ZNF33B: variants seen among roughly 807,000 people sequenced by gnomAD.
ZNF33B encodes the protein zinc finger protein 33B.
Under a neutral mutation model 45.8 loss-of-function variants are expected in ZNF33B, and 29 were observed. The observed-to-expected ratio is 0.63, with a 90% CI of 0.47 to 0.86. ZNF33B has a LOEUF of 0.86. Among genes scored for constraint, ZNF33B ranks in the 40% least tolerant of loss-of-function variants. The pLI is 0.00. For missense variants in ZNF33B, 831 were observed against 909.9 expected, an observed-to-expected ratio of 0.91 and a Z score of 1.12; for synonymous variants, 305 against 307.8, an observed-to-expected ratio of 0.99 and a Z score of 0.10.
chr10:42,606,938 T>C (rs1837886362), intron 4 of ZNF33B, among the ~76,000 whole-genome samples: 1 of 152,208 alleles, frequency 6.6e-6, no homozygotes, highest in South Asian at 2.1e-4. Flanking sequence ...TACTTACTGG[T>C]TGAGCTTCCC....
rs148668463 is a variant in ZNF33B at position 42,593,531 on chromosome 10, C to T, written c.1419G>A (p.Glu473=). Residue 473 remains glutamate, a synonymous_variant, in exon 5 of 5, where the codon GAG becomes GAA. Transcript: ENST00000359467. ...HTGEKPFECL[E]CGKSFCQKSH... is the part of the protein sequence containing the mutation. ...ACTTTTGACAAAAGGATTTCCCACA[C>T]TCAAGACATTCAAAAGGTTTCTCAC... The T allele has an allele frequency of 6.2e-7, 1 of 1,613,860 alleles. No individual in the cohort carries two copies. The highest frequency in any genetic ancestry group is 1.6e-4 in the Middle Eastern group (1 of 6,062).
At chr10:42,582,971 C>A (rs1373832746) in intron 1 of ZNF33B, 2 of 631,856 alleles carry the variant, frequency 3.2e-6, no homozygotes, top group Non-Finnish European at 5.8e-6. Context: ...GGAGATGTGA[C>A]CACCATCCCC....
At chr10:42,636,634 C>T (rs1317059045) in intron 2 of ZNF33B, among the ~76,000 whole-genome samples, 1 of 152,182 alleles carries the variant, frequency 6.6e-6, no homozygotes, top group Non-Finnish European at 1.5e-5. Flanking sequence ...CCAGCCAGGG[C>T]AACACGGTGA....
At chr10:42,618,713 G>A (rs934252568) in intron 4 of ZNF33B, among the ~76,000 whole-genome samples, 1 of 152,106 alleles carries the variant, frequency 6.6e-6, no homozygotes, top group Non-Finnish European at 1.5e-5. Context: ...CTTCTTGGAT[G>A]AATATATTAG....
At position 42,636,978 on chromosome 10, in the gene ZNF33B, T is replaced by A; in HGVS notation, c.-44-6A>T. The A allele has an allele frequency of 6.2e-7, 1 of 1,613,356 alleles. No homozygotes were observed. ...AGACAACTCTGAAGATACAGCTGAG[T>A]TGGAAAAAGAGGAATGGGGTCATGA... On this transcript the variant is annotated splice_polypyrimidine_tract_variant and splice_region_variant and intron_variant, in intron 1 of 4. Transcript: ENST00000359467.
rs149511462 is a variant in ZNF33B, at chr10:42,614,068, G to A, written c.250+17861C>T. 1.2e-3 allele frequency among the ~76,000 whole-genome samples: 181 copies of A among 152,292 alleles called. 3 individuals carry two copies. The East Asian group carries it at 0.03, about 25-fold the overall frequency. On this transcript the variant is annotated intron_variant, in intron 4 of 4. Coordinates refer to ENST00000359467, the MANE Select transcript of ZNF33B (RefSeq NM_006955.3). ...ATGTGTACAATATGGAAAATAGGAAGAAGATGTAACTTTATAGTGGACAAA... is the reference window on the plus strand; with the variant it reads ...ATGTGTACAATATGGAAAATAGGAAAAAGATGTAACTTTATAGTGGACAAA...
chr10:42,613,593 G>C (rs1042479261), intron 4 of ZNF33B, among the ~76,000 whole-genome samples: 2 of 151,950 alleles, frequency 1.3e-5, no homozygotes, highest in Admixed American at 6.6e-5. Flanking sequence ...TGGATAGTTA[G>C]AGCCAGATTT....
chr10:42,629,364 A>C (rs779805271), intron 4 of ZNF33B, among the ~76,000 whole-genome samples: 26 of 152,174 alleles, frequency 1.7e-4, no homozygotes, highest in Non-Finnish European at 3.5e-4. Context: ...AGAAAGAATG[A>C]ATAAGACCTA....
Position 42,594,260 on chromosome 10 carries a change from T to C in ZNF33B, c.690A>G (p.Glu230=). The C allele has an allele frequency of 6.2e-7, 1 of 1,613,854 alleles. No homozygotes were observed. Among genetic ancestry groups the C allele is most frequent in the Non-Finnish European group, 8.5e-7 (1 of 1,179,916 alleles). The change falls in exon 5 of 5, where the codon GAA becomes GAG. Residue 230 remains glutamate, a synonymous_variant. Transcript: ENST00000359467. ...TCTTCCGTGTATTGAATACTGCCTT[T>C]TCAAGGAGGGTTTCCTGACATATAC... The part of the protein sequence containing the change: ...EYSICQETLL[E]KAVFNTRKRE...
chr10:42,626,722 T>A lies in ZNF33B; in HGVS notation c.250+5207A>T, dbSNP rs1417469023. On this transcript the variant is annotated intron_variant, in intron 4 of 4. Transcript: ENST00000359467. ...ATAAATAAATAAATAAATAAATAAATAAAATAAAGAAATGTTCCTGCTTCT... is the reference window on the plus strand; with the variant it reads ...ATAAATAAATAAATAAATAAATAAAAAAAATAAAGAAATGTTCCTGCTTCT... 3.5e-5 allele frequency among the ~76,000 whole-genome samples: 5 copies of A among 141,984 alleles called. No individual in the cohort carries two copies. The South Asian group carries it at 1.1e-3, about 32-fold the overall frequency. 93.1% of individuals were successfully genotyped at this position (141,984 alleles called of 152,430 possible).
rs572666709 is a variant in ZNF33B at position 42,599,744 on chromosome 10, CA to C, written c.251-5046del. ...CAGGTGCTTCTACCTTAAAAAGCTACAAAAAAGCAAATTAAACCCAAAAGTA... is the reference window on the plus strand; with the variant it reads ...CAGGTGCTTCTACCTTAAAAAGCTACAAAAAGCAAATTAAACCCAAAAGTA... On this transcript the variant is annotated intron_variant, in intron 4 of 4. Transcript: ENST00000359467. Among the ~76,000 whole-genome samples the C allele has an allele frequency of 5.9e-5, 9 of 151,778 alleles. No individual in the cohort carries two copies. In the South Asian group the frequency reaches 1.9e-3, roughly 32 times the overall value.
At chr10:42,576,836 A>C (rs919397059) in intron 1 of ZNF33B, among the ~76,000 whole-genome samples, 1 of 152,152 alleles carries the variant, frequency 6.6e-6, no homozygotes, top group African/African-American at 2.4e-5. Flanking sequence ...TTGACTTAAA[A>C]ATTTCCCAGT....
chr10:42,619,544 A>G (rs1219297226), intron 4 of ZNF33B, among the ~76,000 whole-genome samples: 4 of 152,240 alleles, frequency 2.6e-5, no homozygotes, highest in African/African-American at 7.2e-5. Context: ...TCTGGAGGAA[A>G]AAATAAAGAC....
intron 4 of ZNF33B, among the ~76,000 whole-genome samples, chr10:42,615,434 T>C (rs1210691759): frequency 6.6e-6 from 1 of 152,116 alleles, no homozygotes; most frequent in Non-Finnish European, 1.5e-5. Context: ...GGATGAACCT[T>C]GAATATGTTA....
intron 4 of ZNF33B, among the ~76,000 whole-genome samples, chr10:42,609,878 A>C (rs1282320480): frequency 6.6e-6 from 1 of 152,218 alleles, no homozygotes; most frequent in Admixed American, 6.5e-5. Flanking sequence ...CTATAAAAAC[A>C]ATCAACAAAC....
At chr10:42,608,113 T>C (rs1303627709) in intron 4 of ZNF33B, among the ~76,000 whole-genome samples, 2 of 152,184 alleles carry the variant, frequency 1.3e-5, no homozygotes, top group Non-Finnish European at 2.9e-5. Flanking sequence ...GAGGGGAATT[T>C]TATTAATATA....
At chr10:42,575,953 C>T (rs1055661051) in intron 1 of ZNF33B, among the ~76,000 whole-genome samples, 4 of 151,230 alleles carry the variant, frequency 2.6e-5, no homozygotes, top group Admixed American at 2.0e-4. Context: ...AGTGCAATGA[C>T]AGGATCTCAG....
chr10:42,574,438 C>T (rs1836718017), exon 2 of ZNF33B: 2 of 152,196 alleles, frequency 1.3e-5, no homozygotes, highest in Admixed American at 1.3e-4. Flanking sequence ...CAGCACTCTC[C>T]TCGGATGTGT....
chr10:42,612,681 A>G (rs1838151646), intron 4 of ZNF33B, among the ~76,000 whole-genome samples: 1 of 152,180 alleles, frequency 6.6e-6, no homozygotes, highest in Non-Finnish European at 1.5e-5. Flanking sequence ...CAAGGTCTTC[A>G]TATGCTTTTA....
Sources: allele counts gnomAD v4.1 joint callset (sites outside exome capture counted in the v4.1 genomes callset), GRCh38; gene constraint gnomAD v4.1.1; transcripts MANE v1.5; gene names NCBI Gene and HGNC (gene_info 2026-07-23, HGNC 2026-07-21).